The following PTPRO variants were observed in gnomAD, a reference collection of about 807,000 sequenced individuals.
The protein encoded by PTPRO is protein tyrosine phosphatase receptor type O, also known as receptor-type tyrosine-protein phosphatase O.
PTPRO carries 62 observed loss-of-function variants against 145.2 expected under a neutral mutation model. That is an observed-to-expected ratio of 0.43 (90% confidence interval 0.35 to 0.53). PTPRO has a LOEUF of 0.53. Among genes scored for constraint, PTPRO ranks in the 20% least tolerant of loss-of-function variants. The pLI, the probability that PTPRO is intolerant of heterozygous loss-of-function variation, is 0.01. For missense variants in PTPRO, 1,345 were observed against 1,482.7 expected, an observed-to-expected ratio of 0.91 and a Z score of 1.53; for synonymous variants, 565 against 514.7, an observed-to-expected ratio of 1.10 and a Z score of -1.32.
intron 20 of PTPRO, 68 bp downstream of exon 20, chr12:15,579,011 T>C (rs376709339): frequency 7.3e-7 from 1 of 1,372,730 alleles, no homozygotes; most frequent in Non-Finnish European, 1.0e-6. Context: ...TGCAGATTAA[T>C]CAATTTCACC....
chr12:15,551,736 A>G lies in PTPRO; in HGVS notation c.2558+65A>G, dbSNP rs75243010. On this transcript the variant is annotated intron_variant, in intron 15 of 26. Coordinates refer to ENST00000281171, the MANE Select transcript of PTPRO (RefSeq NM_030667.3). ...AAATATCTTTATCTGCCATATATATATTGTTTTTGCACACCTAAGTTGTAT... is the reference window on the plus strand; with the variant it reads ...AAATATCTTTATCTGCCATATATATGTTGTTTTTGCACACCTAAGTTGTAT... 181 of 1,561,624 alleles carry G rather than the reference A, an allele frequency of 1.2e-4. No homozygotes were observed. In the African/African-American group the frequency reaches 2.1e-3, roughly 18 times the overall value.
At chr12:15,418,304 G>T (rs1193557207) in intron 1 of PTPRO, among the ~76,000 whole-genome samples, 2 of 151,710 alleles carry the variant, frequency 1.3e-5, no homozygotes, top group African/African-American at 4.9e-5. Context: ...TAGATTAACT[G>T]CTTTGTTAAC....
chr12:15,360,782 A>G (rs1938154033), intron 1 of PTPRO, among the ~76,000 whole-genome samples: 1 of 147,532 alleles, frequency 6.8e-6, no homozygotes, highest in Admixed American at 6.8e-5. Context: ...ACGTGTGTAT[A>G]TATGTGTGTA....
chr12:15,400,237 C>T (rs760654746), intron 1 of PTPRO, among the ~76,000 whole-genome samples: 13 of 151,646 alleles, frequency 8.6e-5, no homozygotes, highest in Non-Finnish European at 1.8e-4. Flanking sequence ...GTGATCCACC[C>T]GCCTTGGCCT....
intron 12 of PTPRO, among the ~76,000 whole-genome samples, chr12:15,529,017 C>A (rs1476623663): frequency 5.3e-5 from 8 of 152,140 alleles, no homozygotes; most frequent in African/African-American, 1.4e-4. Context: ...CAAGAGAGTT[C>A]TTCAATCTGA....
At position 15,581,799 on chromosome 12, in the gene PTPRO, T is replaced by C. The variant is rs760266307; in HGVS notation, c.3253T>C (p.Tyr1085His). The change falls in exon 23 of 27, where the codon TAT becomes CAT. Residue 1085 changes from tyrosine (Y) to histidine (H), a missense_variant and splice_region_variant. Transcript: ENST00000281171. ...DWACRHFRIN[Y>H]ADEMQDVMHF... is the part of the protein sequence containing the mutation. Reference sequence around the variant, plus strand: ...GGCCTGTAGACACTTCCGGATCAACTATGTAAGTCACCAGGCAGAGAGCAG... The same window carrying C: ...GGCCTGTAGACACTTCCGGATCAACCATGTAAGTCACCAGGCAGAGAGCAG... The C allele has an allele frequency of 3.1e-6, 5 of 1,613,840 alleles. No individual in the cohort carries two copies. Among genetic ancestry groups the C allele is most frequent in the Non-Finnish European group, 4.2e-6 (5 of 1,179,830 alleles).
At chr12:15,411,934 C>G (rs1233321057) in intron 1 of PTPRO, among the ~76,000 whole-genome samples, 2 of 152,138 alleles carry the variant, frequency 1.3e-5, no homozygotes, top group African/African-American at 4.8e-5. Flanking sequence ...TAAATGATTA[C>G]CACTGAATAA....
At chr12:15,346,278 T>C (rs576759795) in intron 1 of PTPRO, among the ~76,000 whole-genome samples, 12 of 152,224 alleles carry the variant, frequency 7.9e-5, no homozygotes, top group Non-Finnish European at 1.6e-4. Context: ...GAACAAACCA[T>C]GTCATAGAGA....
intron 17 of PTPRO, among the ~76,000 whole-genome samples, chr12:15,563,896 TC>T (rs1160588977): frequency 6.6e-6 from 1 of 152,184 alleles, no homozygotes; most frequent in Non-Finnish European, 1.5e-5. Context: ...CCGCTGACAT[TC>T]TGCTTTCCGA....
At chr12:15,473,775 A>C (rs1212965671) in intron 1 of PTPRO, among the ~76,000 whole-genome samples, 1 of 151,432 alleles carries the variant, frequency 6.6e-6, no homozygotes, top group Non-Finnish European at 1.5e-5. Flanking sequence ...TCTCAAAAAA[A>C]AAAAAAAAAA....
chr12:15,590,715 C>G (rs952330252), intron 25 of PTPRO, among the ~76,000 whole-genome samples: 6 of 152,082 alleles, frequency 3.9e-5, no homozygotes, highest in Non-Finnish European at 7.4e-5. Flanking sequence ...AAGAGTTATC[C>G]TCGTTAATAT....
intron 23 of PTPRO, among the ~76,000 whole-genome samples, chr12:15,584,629 G>A (rs947505689): frequency 2.1e-4 from 32 of 152,196 alleles, no homozygotes; most frequent in African/African-American, 7.5e-4. Context: ...TCTGGTACCA[G>A]AGTGCCCCCT....
chr12:15,524,962 G>C lies in PTPRO; in HGVS notation c.2040G>C (p.Lys680Asn), dbSNP rs1385507658. ...CAGAAGGAAAAAAGAAAATTAAAAA[G>C]AGTGTATGTTTCTTTGAATGCCAGC... Reference protein sequence around the residue: ...VVAEGKKKIKKSVTRNVMTAI... With the variant: ...VVAEGKKKIKNSVTRNVMTAI... Residue 680 changes from lysine (K) to asparagine (N), a missense_variant, in exon 11 of 27, where the codon AAG becomes AAC. Lys to Asn is a moderately conservative substitution (Grantham distance 94). Around this residue, in one of 3 missense-constraint regions of PTPRO, gnomAD observed 1,130 missense variants for 1,214.7 expected, o/e 0.93. Coordinates refer to ENST00000281171, the MANE Select transcript of PTPRO (RefSeq NM_030667.3). 9 of 1,613,882 alleles carry C rather than the reference G, an allele frequency of 5.6e-6. No homozygotes were observed. Among genetic ancestry groups the C allele is most frequent in the South Asian group, 2.2e-5 (2 of 91,074 alleles).
chr12:15,515,991 TG>T (rs1268129654), intron 8 of PTPRO, among the ~76,000 whole-genome samples: 12,679 of 130,924 alleles, frequency 0.097, 1,415 homozygotes, highest in African/African-American at 0.24. Context: ...TTTTTTGTTT[TG>T]TTTTTTTTTT....
intron 12 of PTPRO, among the ~76,000 whole-genome samples, chr12:15,543,653 C>T (rs936564315): frequency 3.3e-5 from 5 of 152,282 alleles, no homozygotes; most frequent in Non-Finnish European, 7.3e-5. Context: ...ATTTATAACA[C>T]ATGACCCTTG....
intron 1 of PTPRO, among the ~76,000 whole-genome samples, chr12:15,433,171 C>CTT (rs55746632): frequency 5.8e-5 from 6 of 103,634 alleles, no homozygotes; most frequent in South Asian, 3.1e-4. Flanking sequence ...CAGTTTGGGG[C>CTT]TTTTTTTTTT....
chr12:15,358,467 ACT>A (rs1475136544), intron 1 of PTPRO, among the ~76,000 whole-genome samples: 1 of 151,752 alleles, frequency 6.6e-6, no homozygotes, highest in Non-Finnish European at 1.5e-5. Context: ...TTCCATCCCT[ACT>A]CCTACCTAAC....
chr12:15,413,770 G>A (rs148555123), intron 1 of PTPRO, among the ~76,000 whole-genome samples: 3 of 152,076 alleles, frequency 2.0e-5, no homozygotes, highest in African/African-American at 2.4e-5. Flanking sequence ...AGCCAAGATC[G>A]TGCTACGGCG....
chr12:15,595,172 G>A (rs552950845), intron 26 of PTPRO, 115 bp downstream of exon 26: 21 of 734,050 alleles, frequency 2.9e-5, no homozygotes, highest in South Asian at 2.8e-4. Flanking sequence ...CTTCACATGA[G>A]TATTTCTTCC....
Sources: allele counts gnomAD v4.1 joint callset (sites outside exome capture counted in the v4.1 genomes callset), GRCh38; gene constraint gnomAD v4.1.1; regional missense constraint gnomAD v4.1.1; transcripts MANE v1.5; gene names NCBI Gene and HGNC (gene_info 2026-07-23, HGNC 2026-07-21).